The following SPAG16 variants were observed in gnomAD, a reference collection of about 807,000 sequenced individuals.
The protein encoded by SPAG16 is sperm-associated antigen 16 protein.
In SPAG16, 86 loss-of-function variants were observed where a neutral mutation model predicts 80.4. The ratio of observed to expected loss-of-function variants is 1.07; its 90% CI spans 0.90 to 1.28. SPAG16 has a LOEUF of 1.28. SPAG16 is among the 50% of genes most tolerant of loss of function. The pLI is 0.00. For synonymous variants in SPAG16, 294 were observed against 265.9 expected, an observed-to-expected ratio of 1.11 and a Z score of -1.03; for missense variants, 870 against 765.3, an observed-to-expected ratio of 1.14 and a Z score of -1.61.
chr2:214,198,412 A>G (rs948693894), intron 15 of SPAG16, among the ~76,000 whole-genome samples: 6 of 151,934 alleles, frequency 3.9e-5, no homozygotes, highest in Non-Finnish European at 8.8e-5. Context: ...GCTCCATCCA[A>G]GTTTCTGCAA....
At chr2:213,944,113 A>T (rs1422537190) in intron 12 of SPAG16, among the ~76,000 whole-genome samples, 1 of 152,188 alleles carries the variant, frequency 6.6e-6, no homozygotes, top group African/African-American at 2.4e-5. Flanking sequence ...CTCCATCTCA[A>T]CTTTAAAGGG....
intron 11 of SPAG16, among the ~76,000 whole-genome samples, chr2:213,894,987 C>CAAAAAAA (rs71063793): frequency 4.1e-5 from 2 of 49,304 alleles, no homozygotes; most frequent in African/African-American, 2.3e-4. Flanking sequence ...GGCTCCATCT[C>CAAAAAAA]AAAAAAAAAA....
intron 12 of SPAG16, among the ~76,000 whole-genome samples, chr2:213,931,047 G>C (rs2078725244): frequency 6.6e-6 from 1 of 151,898 alleles, no homozygotes; most frequent in Admixed American, 6.6e-5. Flanking sequence ...TCAGTCCTAG[G>C]GGTGGTAGCT....
chr2:214,209,120 C>A (rs1444360127), intron 15 of SPAG16, among the ~76,000 whole-genome samples: 1 of 152,098 alleles, frequency 6.6e-6, no homozygotes, highest in Non-Finnish European at 1.5e-5. Context: ...CTAAAAGGAT[C>A]CTTTCCTACC....
intron 11 of SPAG16, among the ~76,000 whole-genome samples, chr2:213,873,049 G>T (rs1456210383): frequency 6.6e-6 from 1 of 151,924 alleles, no homozygotes; most frequent in East Asian, 1.9e-4. Context: ...TTCAGGTTTT[G>T]GTATTAGAAC....
At chr2:213,333,435 AC>A (rs1260854876) in intron 5 of SPAG16, among the ~76,000 whole-genome samples, 1 of 152,094 alleles carries the variant, frequency 6.6e-6, no homozygotes, top group East Asian at 1.9e-4. Context: ...ACCCTAAGCA[AC>A]CTACAAATTC....
At chr2:213,606,251 A>G (rs2061255387) in intron 10 of SPAG16, among the ~76,000 whole-genome samples, 1 of 152,178 alleles carries the variant, frequency 6.6e-6, no homozygotes, top group Non-Finnish European at 1.5e-5. Flanking sequence ...AATAAAGCTG[A>G]TGTGCACATT....
intron 7 of SPAG16, among the ~76,000 whole-genome samples, chr2:213,360,897 T>A (rs141764608): frequency 6.6e-6 from 1 of 152,188 alleles, no homozygotes; most frequent in Non-Finnish European, 1.5e-5. Flanking sequence ...CTTTAGGATG[T>A]GAGTTAAGAG....
intron 14 of SPAG16, among the ~76,000 whole-genome samples, chr2:214,135,723 GTCTCTCTC>G (rs372301135): frequency 1.4e-5 from 2 of 145,674 alleles, no homozygotes; most frequent in East Asian, 2.1e-4. Flanking sequence ...CTGTCTCTCT[GTCTCTCTC>G]TCTCTCTCTC....
intron 4 of SPAG16, among the ~76,000 whole-genome samples, chr2:213,310,671 A>C (rs2063150596): frequency 6.6e-6 from 1 of 151,816 alleles, no homozygotes; most frequent in Admixed American, 6.6e-5. Context: ...TTCAGTTAGA[A>C]GTAAGTGGAA....
intron 15 of SPAG16, among the ~76,000 whole-genome samples, chr2:214,227,295 A>T (rs2058717984): frequency 6.6e-6 from 1 of 152,066 alleles, no homozygotes; most frequent in Admixed American, 6.6e-5. Flanking sequence ...TGTCAAAATT[A>T]ATAAGCTAAA....
chr2:214,301,361 T>C (rs1474423077), intron 15 of SPAG16, among the ~76,000 whole-genome samples: 1 of 150,292 alleles, frequency 6.7e-6, no homozygotes, highest in South Asian at 2.1e-4. Context: ...GCCAACATCA[T>C]ATTGAATGGG....
At chr2:213,753,047 C>G (rs143095644) in intron 10 of SPAG16, among the ~76,000 whole-genome samples, 5,749 of 152,292 alleles carry the variant, frequency 0.038, 349 homozygotes, top group African/African-American at 0.13. Flanking sequence ...GAGTCTCGCT[C>G]TGTCACCCAG....
chr2:214,134,349 G>T (rs919069121), intron 14 of SPAG16, among the ~76,000 whole-genome samples: 1 of 152,082 alleles, frequency 6.6e-6, no homozygotes, highest in African/African-American at 2.4e-5. Context: ...TAATTCAAAG[G>T]TCACACATTC....
intron 10 of SPAG16, among the ~76,000 whole-genome samples, chr2:213,538,477 AC>A (rs2076322606): frequency 6.6e-6 from 1 of 152,180 alleles, no homozygotes. Flanking sequence ...ATTTAAAAGA[AC>A]AATAAAGTGT....
chr2:214,272,395 A>G (rs986207134), intron 15 of SPAG16, among the ~76,000 whole-genome samples: 1 of 152,100 alleles, frequency 6.6e-6, no homozygotes, highest in Non-Finnish European at 1.5e-5. Flanking sequence ...TGCTGCACCT[A>G]TTAACTCATC....
intron 15 of SPAG16, among the ~76,000 whole-genome samples, chr2:214,209,832 G>A (rs2058242918): frequency 6.6e-6 from 1 of 152,030 alleles, no homozygotes; most frequent in Admixed American, 6.6e-5. Flanking sequence ...TGATTAATTT[G>A]TCACCAAGGC....
chr2:213,514,525 G>T (rs1177458189), intron 10 of SPAG16, among the ~76,000 whole-genome samples: 1 of 151,602 alleles, frequency 6.6e-6, no homozygotes, highest in Non-Finnish European at 1.5e-5. Flanking sequence ...GTGCAGGTTA[G>T]TTACATATGT....
intron 10 of SPAG16, among the ~76,000 whole-genome samples, chr2:213,520,995 G>A (rs2075640583): frequency 2.0e-5 from 3 of 152,120 alleles, no homozygotes; most frequent in Admixed American, 6.6e-5. Flanking sequence ...CTGGGGCTGG[G>A]AGTGCCATCT....
Sources: gnomAD v4.1 joint callset for allele counts (sites outside exome capture counted in the v4.1 genomes callset) on GRCh38, gnomAD v4.1.1 for gene constraint, MANE v1.5 for transcripts, NCBI Gene and HGNC (gene_info 2026-07-23, HGNC 2026-07-21) for gene names.